A1CF: variants seen among roughly 807,000 people sequenced by gnomAD.
The protein encoded by A1CF is APOBEC-1 stimulating protein.
Under a neutral mutation model 68.9 loss-of-function variants are expected in A1CF, and 48 were observed. The observed-to-expected ratio is 0.70, with a 90% CI of 0.55 to 0.89. A1CF has a LOEUF of 0.89. Ranked by LOEUF, A1CF falls within the 40% of genes least tolerant of loss-of-function variation. The probability of loss-of-function intolerance (pLI) is 0.00; values close to 1 mark genes in which losing one functional copy is unlikely to be tolerated. For missense variants in A1CF, 653 were observed against 718.9 expected, an observed-to-expected ratio of 0.91 and a Z score of 1.05; for synonymous variants, 272 against 260.4, an observed-to-expected ratio of 1.04 and a Z score of -0.43.
chr10:50,866,412 A>G (rs1781533048), intron 1 of A1CF, among the ~76,000 whole-genome samples: 1 of 152,222 alleles, frequency 6.6e-6, no homozygotes, highest in Admixed American at 6.5e-5. Context: ...ATTGGAATGA[A>G]TAGCTCACCT....
intron 1 of A1CF, among the ~76,000 whole-genome samples, chr10:50,875,355 C>T (rs1487311471): frequency 6.6e-6 from 1 of 152,128 alleles, no homozygotes; most frequent in African/African-American, 2.4e-5. Flanking sequence ...GAGGACTCGC[C>T]AATAAGATAT....
intron 6 of A1CF, among the ~76,000 whole-genome samples, chr10:50,835,337 A>C (rs890117737): frequency 6.6e-6 from 1 of 152,178 alleles, no homozygotes; most frequent in African/African-American, 2.4e-5. Flanking sequence ...TGGCTCTCCC[A>C]TAATTTTCAT....
intron 9 of A1CF, 147 bp downstream of exon 9, chr10:50,815,859 A>G (rs1029931407): frequency 1.1e-6 from 1 of 933,222 alleles, no homozygotes; most frequent in Non-Finnish European, 1.6e-6. Context: ...CTATTAAAGG[A>G]AAACTATTGA....
rs1414003953 is a variant in A1CF, at chr10:50,801,099, A to T, written c.*5630T>A. The T allele has an allele frequency of 6.6e-6, 1 of 152,244 alleles. No homozygotes were observed. The highest frequency in any genetic ancestry group is 1.5e-5 in the Non-Finnish European group (1 of 68,122). 9.4% of individuals were successfully genotyped at this position (152,244 alleles called of 1,614,324 possible). A position where few individuals can be genotyped will look rare whatever the true frequency, so the allele number is the denominator to read the frequency against. On this transcript the variant is annotated 3_prime_UTR_variant, in exon 13 of 13. Transcript: ENST00000373997. ...CACCACCTAACCTGGCATAATAATG[A>T]CTAGCTTGCTCTGCCATATGAAGGC...
intron 3 of A1CF, among the ~76,000 whole-genome samples, chr10:50,849,992 C>A (rs1224778001): frequency 6.6e-6 from 1 of 151,942 alleles, no homozygotes. Context: ...GACGGAGTTT[C>A]ACTGTGTTAG....
At chr10:50,854,869 T>G (rs929756378) in intron 3 of A1CF, among the ~76,000 whole-genome samples, 9 of 151,958 alleles carry the variant, frequency 5.9e-5, no homozygotes, top group African/African-American at 2.2e-4. Flanking sequence ...AAAAATTGAT[T>G]GTGCTGTAAT....
At position 50,875,674 on chromosome 10, in the gene A1CF, C is replaced by A. The variant is rs1262720510; in HGVS notation, c.-94+9907G>T. Among the ~76,000 whole-genome samples, 4 of 152,272 alleles carry A rather than the reference C, an allele frequency of 2.6e-5. No individual in the cohort carries two copies. The East Asian group carries it at 7.7e-4, about 29-fold the overall frequency. ...TACATATGTATCCTTACCTGTTGCC[C>A]TCTCTACACTCCTAGCTCTATTTCC... On this transcript the variant is annotated intron_variant, in intron 1 of 12. Transcript: ENST00000373997.
At chr10:50,828,976 G>T (rs1714300781) in intron 6 of A1CF, among the ~76,000 whole-genome samples, 1 of 152,152 alleles carries the variant, frequency 6.6e-6, no homozygotes, top group Non-Finnish European at 1.5e-5. Flanking sequence ...TCTATAATGA[G>T]AATTTTAATT....
At chr10:50,826,208 T>C (rs951877607) in intron 7 of A1CF, among the ~76,000 whole-genome samples, 2 of 152,156 alleles carry the variant, frequency 1.3e-5, no homozygotes, top group Non-Finnish European at 2.9e-5. Flanking sequence ...ATTTATAGTT[T>C]AGTGAAGAAA....
intron 3 of A1CF, among the ~76,000 whole-genome samples, chr10:50,849,539 C>T (rs1283874804): frequency 6.6e-5 from 10 of 152,004 alleles, no homozygotes; most frequent in Non-Finnish European, 2.9e-5. Context: ...GGAAAAGCTA[C>T]GATATGAACA....
At position 50,811,165 on chromosome 10, in the gene A1CF, C is replaced by A; in HGVS notation, c.1335G>T (p.Glu445Asp). ...GTCCCCAGTTATTTTTCTGACAAAT[C>A]TCTTCTAATATCTACAAGAATAAAA... Reference protein sequence around the residue: ...GIKLAPQILEEICQKNNWGQP... With the variant: ...GIKLAPQILEDICQKNNWGQP... The change falls in exon 11 of 13, where the codon GAG (glutamate) becomes GAT (aspartate). Residue 445 changes from glutamate to aspartate, a missense_variant. By Grantham distance (45) the Glu-to-Asp change is conservative (BLOSUM62 2). Transcript: ENST00000373997. 1 of 1,612,434 alleles carries A rather than the reference C, an allele frequency of 6.2e-7. No homozygotes were observed. Among genetic ancestry groups the A allele is most frequent in the Admixed American group, 1.7e-5 (1 of 59,916 alleles).
At chr10:50,875,110 AC>A (rs377425654) in intron 1 of A1CF, among the ~76,000 whole-genome samples, 186 of 152,332 alleles carry the variant, frequency 1.2e-3, no homozygotes, top group Middle Eastern at 3.4e-3. Flanking sequence ...CCATATACTC[AC>A]ATAAAAAATC....
At chr10:50,842,313 A>G (rs1437033031) in intron 4 of A1CF, among the ~76,000 whole-genome samples, 1 of 152,244 alleles carries the variant, frequency 6.6e-6, no homozygotes, top group Non-Finnish European at 1.5e-5. Flanking sequence ...TCTTAGAGAC[A>G]TGAAAACACA....
At chr10:50,868,417 G>T (rs1390967880) in intron 1 of A1CF, among the ~76,000 whole-genome samples, 1 of 152,130 alleles carries the variant, frequency 6.6e-6, no homozygotes, top group Non-Finnish European at 1.5e-5. Context: ...GTGGTAGCAT[G>T]CACTTTGGTC....
chr10:50,866,252 T>C (rs1418880992), intron 1 of A1CF, among the ~76,000 whole-genome samples: 1 of 152,162 alleles, frequency 6.6e-6, no homozygotes. Context: ...GAGTGCAGAG[T>C]GATTAAAATA....
At chr10:50,824,082 G>A (rs1463654289) in intron 7 of A1CF, 3 of 151,960 alleles carry the variant, frequency 2.0e-5, no homozygotes, top group African/African-American at 4.8e-5. Flanking sequence ...AGAGGGCCAC[G>A]AAGAACAAGC....
intron 9 of A1CF, among the ~76,000 whole-genome samples, chr10:50,814,616 T>C (rs1838280105): frequency 6.6e-6 from 1 of 152,196 alleles, no homozygotes; most frequent in Non-Finnish European, 1.5e-5. Context: ...TTCCATTGAG[T>C]TTCATGCATA....
intron 3 of A1CF, among the ~76,000 whole-genome samples, chr10:50,851,293 A>C (rs915834812): frequency 6.6e-6 from 1 of 152,172 alleles, no homozygotes; most frequent in Non-Finnish European, 1.5e-5. Context: ...TGTAAAAGGA[A>C]GGCTGACTTT....
intron 7 of A1CF, chr10:50,823,991 C>G (rs1838797494): frequency 6.6e-6 from 1 of 152,084 alleles, no homozygotes; most frequent in Admixed American, 6.6e-5. Context: ...CCAAGATAAA[C>G]TAGTTAGCTC....
Sources: allele counts gnomAD v4.1 joint callset (sites outside exome capture counted in the v4.1 genomes callset), GRCh38; gene constraint gnomAD v4.1.1; transcripts MANE v1.5; gene names NCBI Gene and HGNC (gene_info 2026-07-23, HGNC 2026-07-21).